FGD4: variants seen among roughly 807,000 people sequenced by gnomAD.
FGD4 encodes FYVE, RhoGEF and PH domain containing 4, also known as FYVE, RhoGEF and PH domain-containing protein 4.
FGD4 carries 42 observed loss-of-function variants against 102.0 expected under a neutral mutation model. The ratio of observed to expected loss-of-function variants is 0.41; its 90% CI spans 0.32 to 0.53. The LOEUF (loss-of-function observed/expected upper bound fraction) is 0.53, where lower values mean the gene tolerates loss of function less well. FGD4 is among the 20% of genes least tolerant of loss of function. FGD4 has a pLI of 0.21. For missense variants in FGD4, 902 were observed against 1,078.2 expected, an observed-to-expected ratio of 0.84 and a Z score of 2.29; for synonymous variants, 380 against 375.7, an observed-to-expected ratio of 1.01 and a Z score of -0.13.
At chr12:32,483,485 A>G (rs1012324891) in intron 1 of FGD4, among the ~76,000 whole-genome samples, 1 of 152,212 alleles carries the variant, frequency 6.6e-6, no homozygotes, top group African/African-American at 2.4e-5. Context: ...AAAATATTCC[A>G]TATAACTTTT....
intron 1 of FGD4, among the ~76,000 whole-genome samples, chr12:32,517,952 C>CA (rs1940068647): frequency 1.3e-5 from 2 of 152,042 alleles, no homozygotes; most frequent in Admixed American, 1.3e-4. Context: ...ACCCAACCCC[C>CA]AATATCGTTA....
intron 1 of FGD4, among the ~76,000 whole-genome samples, chr12:32,495,067 C>A (rs1169872639): frequency 6.6e-6 from 1 of 152,016 alleles, no homozygotes; most frequent in Non-Finnish European, 1.5e-5. Flanking sequence ...TTGCCCCCAC[C>A]CCCATTTTTA....
chr12:32,419,233 A>G lies in FGD4; in HGVS notation c.166+19274A>G, dbSNP rs76145737. 5.5e-3 allele frequency among the ~76,000 whole-genome samples: 838 copies of G among 151,812 alleles called. 9 individuals are homozygous for G. Among genetic ancestry groups the G allele is most frequent in the African/African-American group, 0.019 (800 of 41,382 alleles). ...AGGTGCAAGACAGAGAGTCTCCTTT[A>G]TTTTCCCCCTGCTTTTCTCAAACAG... On this transcript the variant is annotated intron_variant, in intron 1 of 16. Coordinates refer to ENST00000534526, the MANE Select transcript of FGD4 (RefSeq NM_001370298.3).
At chr12:32,541,711 C>T (rs975017238) in intron 1 of FGD4, among the ~76,000 whole-genome samples, 4 of 152,126 alleles carry the variant, frequency 2.6e-5, no homozygotes, top group Non-Finnish European at 4.4e-5. Flanking sequence ...AGAGGAGAGT[C>T]AGGAGTAGAG....
At chr12:32,443,817 C>T (rs1377677767) in intron 1 of FGD4, among the ~76,000 whole-genome samples, 1 of 150,044 alleles carries the variant, frequency 6.7e-6, no homozygotes, top group Non-Finnish European at 1.5e-5. Context: ...GTGCAGCCTT[C>T]AAGTTCAGTG....
At chr12:32,524,799 G>A (rs1940966017) in intron 1 of FGD4, among the ~76,000 whole-genome samples, 1 of 151,120 alleles carries the variant, frequency 6.6e-6, no homozygotes, top group Non-Finnish European at 1.5e-5. Context: ...CGATCCACCT[G>A]GGTGACAGAG....
At position 32,631,729 on chromosome 12, in the gene FGD4, C is replaced by T. The variant is rs1950514869; in HGVS notation, c.2173-1820C>T. 2.6e-5 allele frequency among the ~76,000 whole-genome samples: 4 copies of T among 152,086 alleles called. No individual in the cohort carries two copies. The South Asian group carries it at 8.3e-4, about 32-fold the overall frequency. ...CCATGCTGGCCAGGCTGGTCTTGAACTCCTGACCTCGTGATCTGCCTGCTT... is the reference window on the plus strand; with the variant it reads ...CCATGCTGGCCAGGCTGGTCTTGAATTCCTGACCTCGTGATCTGCCTGCTT... On this transcript the variant is annotated intron_variant, in intron 14 of 16. Transcript: ENST00000534526.
intron 1 of FGD4, among the ~76,000 whole-genome samples, chr12:32,453,912 AT>A (rs1942879673): frequency 6.6e-6 from 1 of 152,126 alleles, no homozygotes; most frequent in South Asian, 2.1e-4. Context: ...ATCTAAAAAT[AT>A]TTTAGGTGGT....
rs1943261417 is a variant in FGD4 at position 32,466,756 on chromosome 12, T to C, written c.166+66797T>C. On this transcript the variant is annotated intron_variant, in intron 1 of 16. Coordinates refer to ENST00000534526, the MANE Select transcript of FGD4 (RefSeq NM_001370298.3). The stretch of plus-strand genomic sequence containing the variant: ...GGTGGCGCATGCTTGTAATCCCAGA[T>C]ACTCGGGAGGCTGAAACAGGAAAAT... 2.0e-5 allele frequency among the ~76,000 whole-genome samples: 3 copies of C among 149,534 alleles called. No homozygotes were observed. In the South Asian group the frequency reaches 6.3e-4, roughly 31 times the overall value.
At chr12:32,577,338 T>A (rs909584975) in intron 3 of FGD4, among the ~76,000 whole-genome samples, 3 of 152,238 alleles carry the variant, frequency 2.0e-5, no homozygotes, top group Admixed American at 2.0e-4. Flanking sequence ...AATATTTTCA[T>A]TCATTTCAGT....
intron 1 of FGD4, among the ~76,000 whole-genome samples, chr12:32,514,064 T>G (rs1306257446): frequency 6.6e-6 from 1 of 152,230 alleles, no homozygotes; most frequent in East Asian, 1.9e-4. Context: ...TCAAATTCTA[T>G]ACCTCTCTAC....
At chr12:32,433,451 C>A (rs918031615) in intron 1 of FGD4, among the ~76,000 whole-genome samples, 3 of 151,996 alleles carry the variant, frequency 2.0e-5, no homozygotes, top group Non-Finnish European at 4.4e-5. Context: ...CAGGTTCAAG[C>A]GATTCTCCTG....
intron 1 of FGD4, among the ~76,000 whole-genome samples, chr12:32,460,025 A>G (rs991117623): frequency 6.6e-6 from 1 of 152,136 alleles, no homozygotes; most frequent in Non-Finnish European, 1.5e-5. Flanking sequence ...ATTATTATTT[A>G]GGGAGACGAG....
intron 1 of FGD4, among the ~76,000 whole-genome samples, chr12:32,433,254 C>G (rs1942114862): frequency 6.6e-6 from 1 of 152,154 alleles, no homozygotes; most frequent in Admixed American, 6.6e-5. Flanking sequence ...GCCTCGGCTT[C>G]CTAAAGTGCT....
At chr12:32,426,415 G>C (rs755305204) in intron 1 of FGD4, among the ~76,000 whole-genome samples, 1 of 152,094 alleles carries the variant, frequency 6.6e-6, no homozygotes, top group Non-Finnish European at 1.5e-5. Context: ...GGATGAAGCC[G>C]ATTTGATTGT....
chr12:32,603,595 C>T (rs527451509), intron 7 of FGD4, among the ~76,000 whole-genome samples: 12 of 152,152 alleles, frequency 7.9e-5, no homozygotes, highest in Middle Eastern at 6.8e-3. Context: ...CCGTGTTAGC[C>T]GGGATGATCT....
intron 1 of FGD4, among the ~76,000 whole-genome samples, chr12:32,462,561 C>T (rs1591948729): frequency 7.4e-6 from 1 of 135,378 alleles, no homozygotes; most frequent in East Asian, 2.0e-4. Context: ...TGTGCTTATA[C>T]ATTCTGATTT....
At chr12:32,498,822 C>T (rs1397711930) in intron 1 of FGD4, among the ~76,000 whole-genome samples, 2 of 152,176 alleles carry the variant, frequency 1.3e-5, no homozygotes, top group Non-Finnish European at 2.9e-5. Flanking sequence ...AGGCTGGTCT[C>T]GAACTCCTGA....
At chr12:32,476,987 T>C (rs1591977062) in intron 1 of FGD4, among the ~76,000 whole-genome samples, 3 of 152,302 alleles carry the variant, frequency 2.0e-5, no homozygotes, top group South Asian at 2.1e-4. Flanking sequence ...AATTGTTTAC[T>C]ACTTGAAAAA....
Sources: allele counts gnomAD v4.1 joint callset (sites outside exome capture counted in the v4.1 genomes callset), GRCh38; gene constraint gnomAD v4.1.1; transcripts MANE v1.5; gene names NCBI Gene and HGNC (gene_info 2026-07-23, HGNC 2026-07-21).